KMT2C: variants seen among roughly 807,000 people sequenced by gnomAD.
KMT2C encodes the protein lysine methyltransferase 2C, also known as histone-lysine N-methyltransferase 2C.
In KMT2C, 88 loss-of-function variants were observed where a neutral mutation model predicts 507.9. The observed-to-expected ratio is 0.17, with a 90% CI of 0.15 to 0.21. The LOEUF is 0.21. Among genes scored for constraint, KMT2C ranks in the 10% least tolerant of loss-of-function variants. The pLI, the probability that KMT2C is intolerant of heterozygous loss-of-function variation, is 1.00. For missense variants in KMT2C, 4,954 were observed against 5,957.8 expected, an observed-to-expected ratio of 0.83 and a Z score of 5.55; for synonymous variants, 2,049 against 2,080.8, an observed-to-expected ratio of 0.98 and a Z score of 0.42.
chr7:152,434,112 A>T (rs1210223480), intron 1 of KMT2C, among the ~76,000 whole-genome samples: 1 of 152,236 alleles, frequency 6.6e-6, no homozygotes, highest in Non-Finnish European at 1.5e-5. Context: ...CATGTCTAAA[A>T]ATTACTTAAA....
At chr7:152,297,041 GAAAGAA>G (rs1563766583) in intron 6 of KMT2C, among the ~76,000 whole-genome samples, 2 of 94,732 alleles carry the variant, frequency 2.1e-5, no homozygotes, top group East Asian at 6.1e-4. Flanking sequence ...AAGAAAGAAA[GAAAGAA>G]AGAAAGACAG....
At chr7:152,157,902 C>A in intron 44 of KMT2C, 1 of 1,337,192 alleles carries the variant, frequency 7.5e-7, no homozygotes, top group East Asian at 4.6e-5. Context: ...TGATTGGTTC[C>A]ATTAGAGGGA....
Position 152,250,892 on chromosome 7 carries a change from C to A in KMT2C, c.1696G>T (p.Val566Phe). Reference sequence around the variant, plus strand: ...CCAGGAGTGGACTCCTGACCGTTGACATCTTTATTAGCTGCCTGCTCTGAG... The same window carrying A: ...CCAGGAGTGGACTCCTGACCGTTGAAATCTTTATTAGCTGCCTGCTCTGAG... ...VFSEQAANKD[V>F]NGQESTPGIV... Residue 566 changes from valine to phenylalanine, a missense_variant, in exon 12 of 59, where the codon GTC becomes TTC. Val to Phe is a conservative substitution (Grantham distance 50, BLOSUM62 -1). Coordinates refer to ENST00000262189, the MANE Select transcript of KMT2C (RefSeq NM_170606.3). 5 of 1,609,708 alleles carry A rather than the reference C, an allele frequency of 3.1e-6. No individual in the cohort carries two copies. The highest frequency in any genetic ancestry group is 4.3e-6 in the Non-Finnish European group (5 of 1,176,084).
Position 152,163,179 on chromosome 7 carries a change from T to C in KMT2C, c.10398A>G (p.Leu3466=). The change falls in exon 43 of 59, where the codon CTA becomes CTG. Residue 3466 remains leucine, a synonymous_variant. Coordinates refer to ENST00000262189, the MANE Select transcript of KMT2C (RefSeq NM_170606.3). ...SDLPCDFMQP[L]GPLQQSPQHQ... ...GTTGTGGAGACTGCTGAAGGGGTCC[T>C]AGAGGTTGCATAAAATCACAAGGTA... is the stretch of plus-strand genomic sequence containing the variant. 2 of 1,614,206 alleles carry C rather than the reference T, an allele frequency of 1.2e-6. No individual in the cohort carries two copies. Among genetic ancestry groups the C allele is most frequent in the South Asian group, 1.1e-5 (1 of 91,084 alleles).
intron 14 of KMT2C, among the ~76,000 whole-genome samples, chr7:152,242,145 G>C (rs924128680): frequency 1.3e-5 from 2 of 151,958 alleles, no homozygotes; most frequent in African/African-American, 4.8e-5. Context: ...GTAATGTATG[G>C]GCTCTTCCCC....
intron 1 of KMT2C, among the ~76,000 whole-genome samples, chr7:152,423,067 G>A (rs1445930926): frequency 6.7e-6 from 1 of 150,070 alleles, no homozygotes; most frequent in East Asian, 2.0e-4. Context: ...CCAGCCGGGT[G>A]CGGTGGCTCA....
intron 6 of KMT2C, among the ~76,000 whole-genome samples, chr7:152,290,244 G>GTA (rs2096390361): frequency 1.0e-4 from 10 of 96,284 alleles, no homozygotes; most frequent in African/African-American, 4.5e-4. Context: ...GTGTGTGTGT[G>GTA]TGTGTGTGTA....
intron 26 of KMT2C, among the ~76,000 whole-genome samples, chr7:152,202,425 G>A (rs367927410): frequency 4.6e-5 from 7 of 152,032 alleles, no homozygotes; most frequent in African/African-American, 1.4e-4. Context: ...TAATTTATTC[G>A]TACTGAAAGG....
intron 42 of KMT2C, among the ~76,000 whole-genome samples, chr7:152,166,280 C>T (rs2092724475): frequency 6.6e-6 from 1 of 152,070 alleles, no homozygotes; most frequent in Admixed American, 6.6e-5. Context: ...CACCACCATA[C>T]TTAGCTAATT....
chr7:152,348,552 T>G (rs1295371662), intron 2 of KMT2C, among the ~76,000 whole-genome samples: 1 of 142,236 alleles, frequency 7.0e-6, no homozygotes, highest in Non-Finnish European at 1.5e-5. Context: ...TGAGCCGAGA[T>G]TGTGCCATTG....
chr7:152,364,989 A>G (rs907882766), intron 1 of KMT2C, among the ~76,000 whole-genome samples: 11 of 151,832 alleles, frequency 7.2e-5, no homozygotes, highest in African/African-American at 2.7e-4. Flanking sequence ...AAGGTACTTT[A>G]TAGTCAAATT....
chr7:152,351,634 G>C (rs930196493), intron 2 of KMT2C, among the ~76,000 whole-genome samples: 7 of 152,190 alleles, frequency 4.6e-5, no homozygotes, highest in Admixed American at 3.3e-4. Context: ...TGAAGCCATG[G>C]TGGAAGAAAT....
At chr7:152,338,058 C>T (rs1307778264) in intron 2 of KMT2C, among the ~76,000 whole-genome samples, 3 of 152,020 alleles carry the variant, frequency 2.0e-5, no homozygotes, top group Non-Finnish European at 4.4e-5. Flanking sequence ...CGGGGTTTCA[C>T]TGTGTTAGCC....
rs1027353520 is a variant in KMT2C, at chr7:152,152,889, C to A, written c.12342G>T (p.Glu4114Asp). Residue 4114 changes from glutamate to aspartate, a missense_variant, in exon 49 of 59, where the codon GAG (glutamate) becomes GAT (aspartate). Around this residue, in one of 29 missense-constraint regions of KMT2C, gnomAD observed 417 missense variants for 461.1 expected, o/e 0.90. Transcript: ENST00000262189. ...ATGGGACATCTGGAGCACTGCTAAC[C>A]TCATAGCTGTTAGGGATTCGGACGT... Reference protein sequence around the residue: ...LLHVRIPNSYEVSSAPDVPSM... With the variant: ...LLHVRIPNSYDVSSAPDVPSM... 6.2e-7 allele frequency: 1 copy of A among 1,614,172 alleles called. No individual in the cohort carries two copies. Among genetic ancestry groups the A allele is most frequent in the South Asian group, 1.1e-5 (1 of 91,086 alleles).
intron 8 of KMT2C, among the ~76,000 whole-genome samples, chr7:152,263,631 G>A (rs1247014351): frequency 2.6e-5 from 4 of 152,146 alleles, no homozygotes; most frequent in Admixed American, 6.5e-5. Context: ...TATAAAATGG[G>A]AATAATAAAG....
At chr7:152,314,228 G>A (rs1365315823) in intron 4 of KMT2C, among the ~76,000 whole-genome samples, 2 of 152,066 alleles carry the variant, frequency 1.3e-5, no homozygotes, top group African/African-American at 2.4e-5. Flanking sequence ...TCAAAACAAT[G>A]AGCCAATCAA....
At chr7:152,194,363 A>G (rs2093901467) in intron 29 of KMT2C, 77 bp downstream of exon 29, 2 of 1,475,200 alleles carry the variant, frequency 1.4e-6, no homozygotes, top group South Asian at 2.4e-5. Flanking sequence ...AAGTTAAATT[A>G]TAACCATGCA....
chr7:152,288,840 T>C (rs2096354899), intron 6 of KMT2C, among the ~76,000 whole-genome samples: 1 of 152,252 alleles, frequency 6.6e-6, no homozygotes, highest in Non-Finnish European at 1.5e-5. Context: ...TGACAGCAGA[T>C]TTCTCACCTG....
intron 3 of KMT2C, among the ~76,000 whole-genome samples, chr7:152,316,378 G>A (rs546715055): frequency 1.5e-4 from 23 of 152,150 alleles, no homozygotes; most frequent in Non-Finnish European, 3.1e-4. Context: ...CAATTTTTGT[G>A]TAAACCTAAA....
Sources: gnomAD v4.1 joint callset for allele counts (sites outside exome capture counted in the v4.1 genomes callset) on GRCh38, gnomAD v4.1.1 for gene constraint, gnomAD v4.1.1 regional missense constraint, MANE v1.5 for transcripts, NCBI Gene and HGNC (gene_info 2026-07-23, HGNC 2026-07-21) for gene names.